LUZP2: variants seen among roughly 807,000 people sequenced by gnomAD.
The protein encoded by LUZP2 is leucine zipper protein 2.
In LUZP2, 52 loss-of-function variants were observed where a neutral mutation model predicts 51.6. The ratio of observed to expected loss-of-function variants is 1.01; its 90% CI spans 0.81 to 1.27. The LOEUF (loss-of-function observed/expected upper bound fraction) is 1.27, where lower values mean the gene tolerates loss of function less well. LUZP2 is among the 50% of genes most tolerant of loss of function. The pLI is 0.00. For missense variants in LUZP2, 436 were observed against 395.4 expected, an observed-to-expected ratio of 1.10 and a Z score of -0.87; for synonymous variants, 154 against 137.3, an observed-to-expected ratio of 1.12 and a Z score of -0.85.
chr11:25,037,747 T>C (rs971767289), intron 9 of LUZP2, among the ~76,000 whole-genome samples: 2 of 152,158 alleles, frequency 1.3e-5, no homozygotes, highest in African/African-American at 2.4e-5. Flanking sequence ...GAAATTCTTG[T>C]TGGATTTTTT....
intron 1 of LUZP2, among the ~76,000 whole-genome samples, chr11:24,715,370 A>G (rs1161504359): frequency 6.6e-6 from 1 of 151,438 alleles, no homozygotes; most frequent in African/African-American, 2.4e-5. Context: ...TTCATATTCT[A>G]TAGGAAGTAA....
chr11:24,988,627 T>C (rs1459888558), intron 9 of LUZP2, among the ~76,000 whole-genome samples: 1 of 151,316 alleles, frequency 6.6e-6, no homozygotes, highest in Non-Finnish European at 1.5e-5. Flanking sequence ...CTTTATGAAA[T>C]AGTGTTAAAG....
chr11:24,750,666 C>CT (rs202052798), intron 4 of LUZP2, among the ~76,000 whole-genome samples: 1,850 of 152,144 alleles, frequency 0.012, 19 homozygotes, highest in Non-Finnish European at 0.017. Flanking sequence ...TGTTTGGCAA[C>CT]TTTTTTTATG....
chr11:24,833,708 G>GCA (rs748110770), intron 5 of LUZP2, among the ~76,000 whole-genome samples: 8 of 130,628 alleles, frequency 6.1e-5, no homozygotes, highest in East Asian at 4.3e-4. Flanking sequence ...GCCACCGCGC[G>GCA]CGCGCACACA....
At chr11:24,804,429 C>A (rs1849792582) in intron 5 of LUZP2, among the ~76,000 whole-genome samples, 1 of 152,014 alleles carries the variant, frequency 6.6e-6, no homozygotes, top group South Asian at 2.1e-4. Flanking sequence ...AAAAACACAC[C>A]AATTCATTTA....
intron 1 of LUZP2, among the ~76,000 whole-genome samples, chr11:24,644,183 T>C (rs1397393223): frequency 6.6e-6 from 1 of 152,198 alleles, no homozygotes; most frequent in Non-Finnish European, 1.5e-5. Flanking sequence ...AAATTCACAC[T>C]CTTTAGCCAG....
chr11:24,677,296 A>T (rs1354428592), intron 1 of LUZP2, among the ~76,000 whole-genome samples: 1 of 152,162 alleles, frequency 6.6e-6, no homozygotes, highest in Non-Finnish European at 1.5e-5. Flanking sequence ...TTTTGCCCTT[A>T]TAATAAAAGA....
At chr11:24,635,752 G>T (rs554741940) in intron 1 of LUZP2, among the ~76,000 whole-genome samples, 1 of 152,016 alleles carries the variant, frequency 6.6e-6, no homozygotes, top group African/African-American at 2.4e-5. Flanking sequence ...ACAAATCAAC[G>T]CAGAGTGCTG....
intron 9 of LUZP2, among the ~76,000 whole-genome samples, chr11:25,042,671 G>T (rs760353908): frequency 6.6e-6 from 1 of 152,116 alleles, no homozygotes; most frequent in African/African-American, 2.4e-5. Flanking sequence ...TTCCTCTAGG[G>T]TTTCTAGGGG....
chr11:24,728,482 C>G (rs1029586141), intron 1 of LUZP2, among the ~76,000 whole-genome samples: 3 of 151,936 alleles, frequency 2.0e-5, no homozygotes, highest in Non-Finnish European at 2.9e-5. Context: ...TTAACAGTCA[C>G]CTGTTTTCCT....
intron 5 of LUZP2, among the ~76,000 whole-genome samples, chr11:24,846,769 T>C (rs1851211584): frequency 6.6e-6 from 1 of 152,032 alleles, no homozygotes; most frequent in African/African-American, 2.4e-5. Flanking sequence ...AATCCGCAGT[T>C]ATTTGACAGT....
intron 9 of LUZP2, among the ~76,000 whole-genome samples, chr11:25,047,376 T>A (rs571891696): frequency 1.8e-4 from 8 of 43,958 alleles, no homozygotes; most frequent in East Asian, 4.8e-4. Context: ...TTCTTTTTTT[T>A]ATTTTTTTTA....
At chr11:24,998,429 A>G (rs896219819) in intron 9 of LUZP2, among the ~76,000 whole-genome samples, 8 of 152,000 alleles carry the variant, frequency 5.3e-5, no homozygotes, top group African/African-American at 1.7e-4. Flanking sequence ...TTTGTCTGTT[A>G]TTGGTGTATA....
intron 7 of LUZP2, among the ~76,000 whole-genome samples, chr11:24,933,592 G>A (rs996997844): frequency 6.6e-6 from 1 of 152,152 alleles, no homozygotes; most frequent in East Asian, 1.9e-4. Flanking sequence ...GTCAATGGAT[G>A]CATTTCAGGA....
intron 9 of LUZP2, among the ~76,000 whole-genome samples, chr11:25,034,380 T>A (rs1857787272): frequency 6.6e-6 from 1 of 152,130 alleles, no homozygotes; most frequent in Non-Finnish European, 1.5e-5. Context: ...GGTTGTCTGT[T>A]TTGTTGATAG....
intron 7 of LUZP2, among the ~76,000 whole-genome samples, chr11:24,964,066 GT>G (rs1309121234): frequency 7.9e-5 from 12 of 152,290 alleles, no homozygotes; most frequent in Non-Finnish European, 1.6e-4. Context: ...TATTTTCAGT[GT>G]TTTGAGAAAC....
Position 24,635,773 on chromosome 11 carries a change from T to C in LUZP2, c.63-93396T>C, listed in dbSNP as rs953763589. ...CAACGCAGAGTGCTGGGGAGAACAT[T>C]TGAGGCCCACAGACAGCGTTGACTA... On this transcript the variant is annotated intron_variant, in intron 1 of 11. Transcript: ENST00000336930. 5.9e-5 allele frequency among the ~76,000 whole-genome samples: 9 copies of C among 152,066 alleles called. No homozygotes were observed. The East Asian group carries it at 1.5e-3, about 26-fold the overall frequency.
chr11:24,671,452 T>A (rs550719971), intron 1 of LUZP2, among the ~76,000 whole-genome samples: 1 of 152,174 alleles, frequency 6.6e-6, no homozygotes, highest in East Asian at 1.9e-4. Context: ...GATTTTAAAA[T>A]AGTTGTTATT....
Position 25,054,623 on chromosome 11 carries a change from A to C in LUZP2, c.858+4493A>C, listed in dbSNP as rs572994782. On this transcript the variant is annotated intron_variant, in intron 10 of 11. Coordinates refer to ENST00000336930, the MANE Select transcript of LUZP2 (RefSeq NM_001009909.4). The stretch of plus-strand genomic sequence containing the variant: ...AACTTCTTTAGTATCTTTGTCAAAA[A>C]ATAACTGACACAAACATGAGTTCAT... Among the ~76,000 whole-genome samples, 68 of 152,242 alleles carry C rather than the reference A, an allele frequency of 4.5e-4. 1 individual carries two copies. In the Middle Eastern group the frequency reaches 0.014, roughly 30 times the overall value.
Sources: allele counts gnomAD v4.1 joint callset (sites outside exome capture counted in the v4.1 genomes callset), GRCh38; gene constraint gnomAD v4.1.1; transcripts MANE v1.5; gene names NCBI Gene and HGNC (gene_info 2026-07-23, HGNC 2026-07-21).